LPA: variants seen among roughly 807,000 people sequenced by gnomAD.
LPA encodes the protein lipoprotein(a), also known as apolipoprotein(a).
LPA carries 199 observed loss-of-function variants against 197.9 expected under a neutral mutation model. The observed-to-expected ratio is 1.01, with a 90% CI of 0.90 to 1.13. The LOEUF (loss-of-function observed/expected upper bound fraction) is 1.13, where lower values mean the gene tolerates loss of function less well. Among genes scored for constraint, LPA ranks in the 50% most tolerant of loss-of-function variants. The pLI, the probability that LPA is intolerant of heterozygous loss-of-function variation, is 0.00. For synonymous variants in LPA, 715 were observed against 639.5 expected, an observed-to-expected ratio of 1.12 and a Z score of -1.78; for missense variants, 1,853 against 1,785.8, an observed-to-expected ratio of 1.04 and a Z score of -0.68.
chr6:160,564,003 C>A (rs9365172), intron 28 of LPA, among the ~76,000 whole-genome samples: 26,089 of 152,076 alleles, frequency 0.17, 3,028 homozygotes, highest in East Asian at 0.49. Flanking sequence ...ACCAATGGGT[C>A]TTGACTCTTT....
intron 19 of LPA, among the ~76,000 whole-genome samples, chr6:160,600,551 A>G (rs758082360): frequency 3.3e-5 from 5 of 152,198 alleles, no homozygotes; most frequent in Non-Finnish European, 5.9e-5. Context: ...ATTGCACTGA[A>G]TGCTGTCTAC....
intron 21 of LPA, 112 bp from the exon 22 acceptor site, chr6:160,594,229 T>G: frequency 7.6e-7 from 1 of 1,312,028 alleles, no homozygotes; most frequent in South Asian, 1.2e-5. Flanking sequence ...TACCATGCTC[T>G]GTTCTGTACT....
At chr6:160,555,571 A>G (rs1292325625) in intron 30 of LPA, among the ~76,000 whole-genome samples, 1 of 150,256 alleles carries the variant, frequency 6.7e-6, no homozygotes, top group African/African-American at 2.4e-5. Context: ...ATATATACAT[A>G]CTAGTCTGAA....
At chr6:160,647,323 C>T (rs1259112292) in intron 2 of LPA, among the ~76,000 whole-genome samples, 2 of 152,206 alleles carry the variant, frequency 1.3e-5, no homozygotes, top group East Asian at 1.9e-4. Flanking sequence ...TTGAAGCATT[C>T]GCTCTTCCTT....
At chr6:160,556,298 C>T in intron 29 of LPA, 114 bp from the exon 30 acceptor site, 2 of 929,628 alleles carry the variant, frequency 2.2e-6, no homozygotes, top group South Asian at 2.6e-5. Context: ...CTTTAGTATA[C>T]TCACAAGCAG....
At chr6:160,586,032 A>G (rs1441126296) in intron 25 of LPA, among the ~76,000 whole-genome samples, 2 of 152,208 alleles carry the variant, frequency 1.3e-5, no homozygotes, top group East Asian at 1.9e-4. Flanking sequence ...CAAGAACAAC[A>G]GCCTCAAAAA....
At chr6:160,565,580 G>A (rs1462309887) in intron 28 of LPA, among the ~76,000 whole-genome samples, 2 of 152,190 alleles carry the variant, frequency 1.3e-5, no homozygotes, top group African/African-American at 4.8e-5. Context: ...AGAAACCAGA[G>A]CAGAACAGCT....
At chr6:160,566,775 C>G (rs1261637598) in intron 28 of LPA, among the ~76,000 whole-genome samples, 1 of 151,892 alleles carries the variant, frequency 6.6e-6, no homozygotes, top group Non-Finnish European at 1.5e-5. Flanking sequence ...CACATAGGCT[C>G]AAAATAAAGG....
intron 23 of LPA, 90 bp from the exon 24 acceptor site, chr6:160,589,802 C>T (rs1310100459): frequency 2.0e-6 from 3 of 1,471,942 alleles, no homozygotes; most frequent in South Asian, 1.1e-5. Context: ...AGGACATCAT[C>T]TCTGAAAATG....
chr6:160,595,276 C>T (rs1779107954), intron 21 of LPA, 78 bp downstream of exon 21: 1 of 1,551,926 alleles, frequency 6.4e-7, no homozygotes, highest in African/African-American at 1.4e-5. Flanking sequence ...GCATGGAAGG[C>T]TTCTATATCA....
At chr6:160,585,357 T>G (rs1778890690) in intron 25 of LPA, 152 bp from the exon 26 acceptor site, 1 of 748,530 alleles carries the variant, frequency 1.3e-6, no homozygotes, top group Non-Finnish European at 2.3e-6. Flanking sequence ...AAAATACAAA[T>G]AGACTTATAG....
At chr6:160,579,775 T>C (rs1402314333) in intron 26 of LPA, among the ~76,000 whole-genome samples, 2 of 152,152 alleles carry the variant, frequency 1.3e-5, no homozygotes, top group Non-Finnish European at 1.5e-5. Context: ...TGTGACCTAG[T>C]CTCAAGCCCA....
chr6:160,600,729 G>A (rs1411417324), intron 19 of LPA, among the ~76,000 whole-genome samples, 188 bp downstream of exon 19: 5 of 152,034 alleles, frequency 3.3e-5, no homozygotes, highest in Admixed American at 1.3e-4. Context: ...GACACAGCTC[G>A]CACAGGTTGC....
chr6:160,559,670 AG>A lies in LPA; in HGVS notation c.4632-2100del, dbSNP rs1269475636. 9.2e-5 allele frequency among the ~76,000 whole-genome samples: 14 copies of A among 152,354 alleles called. No homozygotes were observed. In the East Asian group the frequency reaches 2.7e-3, roughly 29 times the overall value. On this transcript the variant is annotated intron_variant, in intron 28 of 38. Coordinates refer to ENST00000316300, the MANE Select transcript of LPA (RefSeq NM_005577.4). The stretch of plus-strand genomic sequence containing the variant: ...GAGTTTTATAATCTACCTCCACATC[AG>A]TGACACCACTTATTATTATTTCCAC...
chr6:160,610,372 C>A (rs1367058163), intron 16 of LPA, among the ~76,000 whole-genome samples: 3 of 152,120 alleles, frequency 2.0e-5, no homozygotes, highest in Admixed American at 2.0e-4. Context: ...TAGTAATATA[C>A]TAATTGTACT....
intron 21 of LPA, 61 bp from the exon 22 acceptor site, chr6:160,594,178 A>G: frequency 6.3e-7 from 1 of 1,597,016 alleles, no homozygotes; most frequent in South Asian, 1.1e-5. Flanking sequence ...GCATCAGAAG[A>G]AATCTGTGAC....
chr6:160,540,028 C>T lies in LPA; in HGVS notation c.5735+15G>A. 2 of 1,614,076 alleles carry T rather than the reference C, an allele frequency of 1.2e-6. No homozygotes were observed. The highest frequency in any genetic ancestry group is 1.1e-5 in the South Asian group (1 of 91,072). The stretch of plus-strand genomic sequence containing the variant: ...CTTCACCAGCGTGGGGTGAAGACCA[C>T]AGGTGAGCGAGTACCTGCTTAGCTT... On this transcript the variant is annotated intron_variant, in intron 36 of 38. Coordinates refer to ENST00000316300, the MANE Select transcript of LPA (RefSeq NM_005577.4).
chr6:160,589,379 C>T (rs1029627666), intron 24 of LPA, among the ~76,000 whole-genome samples, 174 bp downstream of exon 24: 1 of 152,212 alleles, frequency 6.6e-6, no homozygotes, highest in East Asian at 1.9e-4. Flanking sequence ...GAGAGCTGGC[C>T]TGACATTTCT....
intron 28 of LPA, among the ~76,000 whole-genome samples, chr6:160,562,701 C>CT (rs760295174): frequency 2.6e-5 from 4 of 151,458 alleles, no homozygotes; most frequent in Non-Finnish European, 5.9e-5. Context: ...CTGGTCTGGG[C>CT]TTTTTTTGGT....
Sources: gnomAD v4.1 joint callset for allele counts (sites outside exome capture counted in the v4.1 genomes callset) on GRCh38, gnomAD v4.1.1 for gene constraint, MANE v1.5 for transcripts, NCBI Gene and HGNC (gene_info 2026-07-23, HGNC 2026-07-21) for gene names.